The following NUP133 variants were observed in gnomAD, a reference collection of about 807,000 sequenced individuals.
NUP133 encodes nuclear pore complex protein Nup133.
Under a neutral mutation model 146.2 loss-of-function variants are expected in NUP133, and 66 were observed. The observed-to-expected ratio is 0.45, with a 90% confidence interval of 0.37 to 0.55. NUP133 has a LOEUF of 0.55. Ranked by LOEUF, NUP133 falls within the 20% of genes least tolerant of loss-of-function variation. NUP133 has a pLI of 0.00. For missense variants in NUP133, 1,277 were observed against 1,374.8 expected (o/e 0.93, Z 1.12); for synonymous variants, 521 against 498.8 (o/e 1.04, Z -0.59).
chr1:229,447,994 A>G (rs1660350639), intron 24 of NUP133, among the ~76,000 whole-genome samples: 1 of 152,232 alleles, frequency 6.6e-6, no homozygotes, highest in South Asian at 2.1e-4. Flanking sequence ...GCCAAAACCA[A>G]GAGAGTGGTC....
chr1:229,441,970 C>A lies in NUP133; in HGVS notation c.3405G>T (p.Lys1135Asn), dbSNP rs200976789. 139 of 1,591,704 alleles carry A rather than the reference C, an allele frequency of 8.7e-5. No homozygotes were observed. The highest frequency in any genetic ancestry group is 3.3e-4 in the Middle Eastern group (2 of 6,044). Residue 1135 changes from lysine to asparagine, a missense_variant, in exon 26 of 26, where the codon AAG (lysine) becomes AAT (asparagine). By Grantham distance (94) the Lys-to-Asn change is moderately conservative. Transcript: ENST00000261396. ...LLQADQLGSL[K>N]SNPYFEFVLK... ...AAACAAACTCGAAGTAAGGATTGGA[C>A]TTTAAGCTTCCAAGCTGATCCGCTT...
intron 19 of NUP133, among the ~76,000 whole-genome samples, chr1:229,461,710 G>A (rs1190817449): frequency 6.6e-6 from 1 of 151,984 alleles, no homozygotes. Context: ...GATGATCAGA[G>A]TAAGCACAAA....
intron 12 of NUP133, 54 bp downstream of exon 12, chr1:229,484,000 G>A: frequency 7.8e-7 from 1 of 1,288,950 alleles, no homozygotes; most frequent in Non-Finnish European, 1.1e-6. Context: ...GCACATGTCA[G>A]TAAAACATAT....
At chr1:229,456,626 T>C (rs1159165668) in intron 21 of NUP133, among the ~76,000 whole-genome samples, 3 of 152,040 alleles carry the variant, frequency 2.0e-5, no homozygotes, top group African/African-American at 7.2e-5. Context: ...TGGAAAACGG[T>C]AGTCAGAAAC....
chr1:229,468,112 G>GAGGT (rs1025733235), intron 15 of NUP133, among the ~76,000 whole-genome samples: 2 of 152,086 alleles, frequency 1.3e-5, no homozygotes, highest in Non-Finnish European at 2.9e-5. Flanking sequence ...AGAGCCCTGG[G>GAGGT]AGGTACAAGG....
At position 229,490,001 on chromosome 1, in the gene NUP133, G is replaced by A. The variant is rs781295006; in HGVS notation, c.1148C>T (p.Ser383Leu). The change falls in exon 9 of 26, where the codon TCA (serine) becomes TTA (leucine). Residue 383 changes from serine to leucine, a missense_variant. Physicochemically the swap from Ser to Leu is moderately radical, Grantham distance 145 (BLOSUM62 -2). Transcript: ENST00000261396. ...ITIEDNGCQMSDAVTVEVTQY... is the reference protein window; with the variant it reads ...ITIEDNGCQMLDAVTVEVTQY... ...AGTGACTTCTACAGTAACTGCATCT[G>A]ACATTTGGCAACCATTATCTTCTAT... is the stretch of plus-strand genomic sequence containing the variant. The A allele has an allele frequency of 9.3e-6, 15 of 1,610,558 alleles. No individual in the cohort carries two copies. Among genetic ancestry groups the A allele is most frequent in the Non-Finnish European group, 1.0e-5 (12 of 1,178,002 alleles).
intron 25 of NUP133, among the ~76,000 whole-genome samples, chr1:229,444,054 T>C (rs887013886): frequency 6.6e-6 from 1 of 152,092 alleles, no homozygotes; most frequent in African/African-American, 2.4e-5. Flanking sequence ...AAGTTTCAGC[T>C]GGGCGTGGTG....
At chr1:229,495,668 T>C (rs1229453855) in intron 7 of NUP133, 103 bp from the exon 8 acceptor site, 2 of 940,318 alleles carry the variant, frequency 2.1e-6, no homozygotes, top group East Asian at 2.5e-5. Flanking sequence ...CATAACTCAG[T>C]TGCTGAATAA....
At position 229,498,283 on chromosome 1, in the gene NUP133, T is replaced by C. The variant is rs752984409; in HGVS notation, c.672A>G (p.Ser224=). The change falls in exon 6 of 26, where the codon TCA becomes TCG. Residue 224 remains serine (S), a synonymous_variant. Coordinates refer to ENST00000261396, the MANE Select transcript of NUP133 (RefSeq NM_018230.3). ...AVQGGSFILS[S]SGSQLIRLIP... ...TCAACCGAATTAGTTGGCTTCCTGA[T>C]GAAGACAAAATAAAACTTCCTCCCT... 3.8e-6 allele frequency: 6 copies of C among 1,597,026 alleles called. No individual in the cohort carries two copies. The South Asian group carries it at 6.9e-5, about 18-fold the overall frequency.
chr1:229,505,023 T>C (rs1261728043), intron 2 of NUP133, among the ~76,000 whole-genome samples: 2 of 152,178 alleles, frequency 1.3e-5, no homozygotes, highest in Non-Finnish European at 2.9e-5. Flanking sequence ...TAAAACATGA[T>C]AAGATTTATA....
At position 229,460,095 on chromosome 1, in the gene NUP133, C is replaced by T. The variant is rs780807740; in HGVS notation, c.2844+516G>A. On this transcript the variant is annotated intron_variant, in intron 20 of 25. Coordinates refer to ENST00000261396, the MANE Select transcript of NUP133 (RefSeq NM_018230.3). The stretch of plus-strand genomic sequence containing the variant: ...GATGTCTCATTGTGATATAAATTTG[C>T]ATTTCCCTAATGATGAGTGATGCAG... 1.1e-3 allele frequency among the ~76,000 whole-genome samples: 167 copies of T among 152,314 alleles called. 1 individual carries two copies. The highest frequency in any genetic ancestry group is 2.2e-3 in the Non-Finnish European group (149 of 68,028).
intron 5 of NUP133, chr1:229,499,343 C>A: frequency 2.2e-6 from 1 of 452,200 alleles, no homozygotes. Flanking sequence ...ATTTTGGAGT[C>A]CTGTGAGAAG....
intron 20 of NUP133, 139 bp from the exon 21 acceptor site, chr1:229,458,435 C>T (rs1660616232): frequency 4.4e-6 from 3 of 681,220 alleles, no homozygotes; most frequent in Non-Finnish European, 7.2e-6. Flanking sequence ...AACCTAAAAA[C>T]TGAGCAGTAC....
Position 229,444,985 on chromosome 1 carries a change from C to T in NUP133, c.3263G>A (p.Gly1088Asp). ...LQRDNWSSSDGKDDPIEVSKD... is the reference protein window; with the variant it reads ...LQRDNWSSSDDKDDPIEVSKD... ...AGATACTTCAATTGGATCATCTTTG[C>T]CATCAGAACTGGACCAGCTAGAAAA... Residue 1088 changes from glycine to aspartate, a missense_variant, in exon 25 of 26, where the codon GGC becomes GAC. Coordinates refer to ENST00000261396, the MANE Select transcript of NUP133 (RefSeq NM_018230.3). 6.2e-7 allele frequency: 1 copy of T among 1,611,216 alleles called. No individual in the cohort carries two copies. Among genetic ancestry groups the T allele is most frequent in the Non-Finnish European group, 8.5e-7 (1 of 1,178,256 alleles).
In NUP133 at chr1:229,477,789, T is replaced by C. The variant is rs370094426; in HGVS notation, c.1593-29A>G. On this transcript the variant is annotated intron_variant, in intron 12 of 25. Coordinates refer to ENST00000261396, the MANE Select transcript of NUP133 (RefSeq NM_018230.3). ...AAATAAAATTGGAAAACACAAGTAT[T>C]AAGGGAGGCAAAATATTTTCAAAAC... 3.9e-5 allele frequency: 61 copies of C among 1,557,420 alleles called. No homozygotes were observed. In the African/African-American group the frequency reaches 7.8e-4, roughly 20 times the overall value.
In NUP133 at chr1:229,449,106, G is replaced by T; in HGVS notation, c.3245+20C>A. The T allele has an allele frequency of 6.3e-7, 1 of 1,591,480 alleles. No homozygotes were observed. Among genetic ancestry groups the T allele is most frequent in the Non-Finnish European group, 8.6e-7 (1 of 1,159,750 alleles). On this transcript the variant is annotated intron_variant, in intron 24 of 25. Transcript: ENST00000261396. ...AGCAGTTTCTATACTTTCCAAAGAA[G>T]CAATGCCACGAGCACTTACTTATCT...
At chr1:229,495,827 A>G in intron 7 of NUP133, 65 bp downstream of exon 7, 9 of 1,324,872 alleles carry the variant, frequency 6.8e-6, no homozygotes, top group Non-Finnish European at 9.3e-6. Flanking sequence ...AAAACAATTA[A>G]GGGAACCAGC....
intron 22 of NUP133, among the ~76,000 whole-genome samples, chr1:229,452,213 T>C (rs1660468234): frequency 6.6e-6 from 1 of 152,214 alleles, no homozygotes; most frequent in Admixed American, 6.5e-5. Flanking sequence ...AAAGTAATTT[T>C]GTGGGGGAAA....
chr1:229,498,317 A>G lies in NUP133; in HGVS notation c.649-11T>C, dbSNP rs1343938066. The G allele has an allele frequency of 1.3e-6, 2 of 1,565,306 alleles. No individual in the cohort carries two copies. The highest frequency in any genetic ancestry group is 1.7e-6 in the Non-Finnish European group (2 of 1,161,776). The stretch of plus-strand genomic sequence containing the variant: ...AATAAAACTTCCTCCCTGTGAAAAA[A>G]CATTATGAGGTTAGTTCAGTTTAGC... On this transcript the variant is annotated splice_polypyrimidine_tract_variant and intron_variant, in intron 5 of 25. Transcript: ENST00000261396.
Sources: allele counts gnomAD v4.1 joint callset (sites outside exome capture counted in the v4.1 genomes callset), GRCh38; gene constraint gnomAD v4.1.1; transcripts MANE v1.5; gene names NCBI Gene and HGNC (gene_info 2026-07-23, HGNC 2026-07-21).